CA12: variants seen among roughly 807,000 people sequenced by gnomAD.
CA12 encodes carbonic anhydrase 12.
In CA12, 36 loss-of-function variants were observed where a neutral mutation model predicts 46.8. The ratio of observed to expected loss-of-function variants is 0.77; its 90% CI spans 0.59 to 1.02. The LOEUF (loss-of-function observed/expected upper bound fraction) is 1.02. Ranked by LOEUF, CA12 falls within the 50% of genes least tolerant of loss-of-function variation. The pLI is 0.00. For missense variants in CA12, 436 were observed against 451.4 expected, an observed-to-expected ratio of 0.97 and a Z score of 0.31; for synonymous variants, 202 against 187.0, an observed-to-expected ratio of 1.08 and a Z score of -0.65.
At chr15:63,360,679 T>C (rs1412165782) in intron 2 of CA12, among the ~76,000 whole-genome samples, 1 of 152,130 alleles carries the variant, frequency 6.6e-6, no homozygotes, top group Non-Finnish European at 1.5e-5. Flanking sequence ...ACTCACATAT[T>C]CTCCTTGCCC....
chr15:63,349,522 G>A (rs963119603), intron 2 of CA12, among the ~76,000 whole-genome samples: 3 of 151,902 alleles, frequency 2.0e-5, no homozygotes, highest in African/African-American at 4.8e-5. Context: ...CCTTGTCTTC[G>A]CCTCCTCCTC....
intron 2 of CA12, among the ~76,000 whole-genome samples, chr15:63,368,973 C>G (rs1414372054): frequency 6.6e-6 from 1 of 152,212 alleles, no homozygotes; most frequent in African/African-American, 2.4e-5. Context: ...TGCCTGCTCT[C>G]TGGGAGACTT....
At position 63,355,717 on chromosome 15, in the gene CA12, C is replaced by T. The variant is rs750922228; in HGVS notation, c.107-9008G>A. Among the ~76,000 whole-genome samples, 3 of 151,694 alleles carry T rather than the reference C, an allele frequency of 2.0e-5. No individual in the cohort carries two copies. The highest frequency in any genetic ancestry group is 4.4e-5 in the Non-Finnish European group (3 of 68,028). ...ACTGCTGACATGCTAACAACCTAAC[C>T]CCTATCATGAAAACTAGCCAGGCCT... On this transcript the variant is annotated intron_variant, in intron 2 of 10. Transcript: ENST00000178638. The surrounding 1 kb of genome is among the most constrained non-coding windows in gnomAD (Gnocchi z 4.1).
intron 8 of CA12, among the ~76,000 whole-genome samples, chr15:63,333,274 G>A (rs1595775605): frequency 6.6e-6 from 1 of 152,254 alleles, no homozygotes. Flanking sequence ...ATCACCAAGG[G>A]TGGGTCCAGC....
chr15:63,347,986 C>T (rs1245097193), intron 2 of CA12, among the ~76,000 whole-genome samples: 1 of 152,190 alleles, frequency 6.6e-6, no homozygotes, highest in East Asian at 1.9e-4. Context: ...AATCCCAACC[C>T]CCTACATCGT....
intron 8 of CA12, among the ~76,000 whole-genome samples, chr15:63,335,056 G>GT (rs2038984026): frequency 6.6e-6 from 1 of 152,202 alleles, no homozygotes; most frequent in Non-Finnish European, 1.5e-5. Flanking sequence ...TGGGGCAGTG[G>GT]TTTTCCATCA....
chr15:63,376,188 T>C (rs1008167142), intron 1 of CA12, among the ~76,000 whole-genome samples: 2 of 152,322 alleles, frequency 1.3e-5, no homozygotes, highest in African/African-American at 4.8e-5. Context: ...CACAGGCAGT[T>C]GGTTCATGCA....
At chr15:63,359,237 G>A (rs1364657886) in intron 2 of CA12, among the ~76,000 whole-genome samples, 1 of 152,028 alleles carries the variant, frequency 6.6e-6, no homozygotes, top group African/African-American at 2.4e-5. Flanking sequence ...GCTGGAAGGG[G>A]ACTCAGGCTA....
chr15:63,334,572 T>C (rs1321255858), intron 8 of CA12, among the ~76,000 whole-genome samples: 1 of 152,052 alleles, frequency 6.6e-6, no homozygotes, highest in Non-Finnish European at 1.5e-5. Flanking sequence ...AGGCACTTTT[T>C]AAGAATGGAA....
chr15:63,371,161 A>G (rs562686767), intron 2 of CA12, among the ~76,000 whole-genome samples: 1 of 152,322 alleles, frequency 6.6e-6, no homozygotes, highest in East Asian at 1.9e-4. Context: ...TGGAGCCCCA[A>G]GAAAGTTCAT....
chr15:63,376,391 A>G (rs1474433312), intron 1 of CA12, among the ~76,000 whole-genome samples: 5 of 152,156 alleles, frequency 3.3e-5, no homozygotes, highest in African/African-American at 1.2e-4. Flanking sequence ...AGGTTAGCTG[A>G]TGATTGGGAG....
At position 63,331,215 on chromosome 15, in the gene CA12, G is replaced by A. The variant is rs192740984; in HGVS notation, c.875-3085C>T. Reference sequence around the variant, plus strand: ...ATCTGATGGGAGAGAGAAAGTCAGCGAGACTTTCGGGACACAGGGAGAACT... The same window carrying A: ...ATCTGATGGGAGAGAGAAAGTCAGCAAGACTTTCGGGACACAGGGAGAACT... On this transcript the variant is annotated intron_variant, in intron 8 of 10. Coordinates refer to ENST00000178638, the MANE Select transcript of CA12 (RefSeq NM_001218.5). The surrounding 1 kb of genome is among the most constrained non-coding windows in gnomAD (Gnocchi z 5.3). 1.2e-4 allele frequency among the ~76,000 whole-genome samples: 18 copies of A among 152,284 alleles called. No individual in the cohort carries two copies. Among genetic ancestry groups the A allele is most frequent in the Non-Finnish European group, 1.5e-5 (1 of 68,020 alleles).
At chr15:63,347,426 T>C (rs1460598493) in intron 2 of CA12, among the ~76,000 whole-genome samples, 1 of 152,154 alleles carries the variant, frequency 6.6e-6, no homozygotes, top group Non-Finnish European at 1.5e-5. Context: ...TAAATAATTA[T>C]AGGCCTGGAA....
rs1039996822 is a variant in CA12 at position 63,375,698 on chromosome 15, G to A, written c.86-20C>T. ...TGGAACCTACAAAGAACAAAACACA[G>A]TAAGTAAGTACAATGGAACCAGATG... On this transcript the variant is annotated intron_variant, in intron 1 of 10. Transcript: ENST00000178638. 1.4e-5 allele frequency: 22 copies of A among 1,570,088 alleles called. No individual in the cohort carries two copies. The highest frequency in any genetic ancestry group is 1.9e-5 in the Non-Finnish European group (22 of 1,142,740).
chr15:63,380,772 CCT>C (rs1007224036), intron 1 of CA12, among the ~76,000 whole-genome samples: 11 of 152,188 alleles, frequency 7.2e-5, no homozygotes, highest in African/African-American at 2.7e-4. Flanking sequence ...ACCACCACTG[CCT>C]CGCCAGGAAG....
chr15:63,369,345 T>G (rs1354487366), intron 2 of CA12, among the ~76,000 whole-genome samples: 2 of 152,180 alleles, frequency 1.3e-5, no homozygotes, highest in East Asian at 3.8e-4. Context: ...ATTAGTTCAT[T>G]TAATCTGCAC....
chr15:63,376,790 G>T (rs948415879), intron 1 of CA12, among the ~76,000 whole-genome samples: 3 of 151,440 alleles, frequency 2.0e-5, no homozygotes, highest in African/African-American at 7.3e-5. Context: ...TTACAGGCGC[G>T]CACCACCACA....
rs568160600 is a variant in CA12, at chr15:63,346,541, T to C, written c.275A>G (p.Asn92Ser). Residue 92 changes from asparagine (N) to serine (S), a missense_variant, in exon 3 of 11, where the codon AAT (asparagine) becomes AGT (serine). Physicochemically the swap from Asn to Ser is conservative, Grantham distance 46 (BLOSUM62 1). Transcript: ENST00000178638. ...SANKQFLLTN[N>S]GHSVKLNLPS... ...GGCCTCTCCCTCACCTGAATGGCCATTGTTGGTCAGGAGAAACTGCTTGTT... is the reference window on the plus strand; with the variant it reads ...GGCCTCTCCCTCACCTGAATGGCCACTGTTGGTCAGGAGAAACTGCTTGTT... The C allele has an allele frequency of 2.1e-5, 34 of 1,613,888 alleles. No homozygotes were observed. In the South Asian group the frequency reaches 2.9e-4, roughly 14 times the overall value.
At chr15:63,369,367 G>A (rs1351252382) in intron 2 of CA12, among the ~76,000 whole-genome samples, 4 of 152,178 alleles carry the variant, frequency 2.6e-5, no homozygotes, top group Non-Finnish European at 5.9e-5. Flanking sequence ...ATAGCTCTGC[G>A]AGGCAAAGAG....
Sources: allele counts gnomAD v4.1 joint callset (sites outside exome capture counted in the v4.1 genomes callset), GRCh38; gene constraint gnomAD v4.1.1; non-coding constraint Gnocchi (gnomAD v3.1); transcripts MANE v1.5; gene names NCBI Gene and HGNC (gene_info 2026-07-23, HGNC 2026-07-21).